ITGAE: variants seen among roughly 807,000 people sequenced by gnomAD.
ITGAE encodes integrin alpha-E.
In ITGAE, 99 loss-of-function variants were observed where a neutral mutation model predicts 136.5. The observed-to-expected ratio is 0.73, with a 90% CI of 0.62 to 0.86. The LOEUF (loss-of-function observed/expected upper bound fraction) is 0.86, where lower values mean the gene tolerates loss of function less well. Among genes scored for constraint, ITGAE ranks in the 40% least tolerant of loss-of-function variants. The probability of loss-of-function intolerance (pLI) is 0.00; values close to 1 mark genes in which losing one functional copy is unlikely to be tolerated. For missense variants in ITGAE, 1,447 were observed against 1,515.3 expected (o/e 0.95, Z 0.75); for synonymous variants, 613 against 591.8 (o/e 1.04, Z -0.52).
In ITGAE at chr17:3,723,350, T is replaced by C; in HGVS notation, c.3175A>G (p.Ile1059Val). The change falls in exon 28 of 31, where the codon ATC (isoleucine) becomes GTC (valine). Residue 1059 changes from isoleucine to valine, a missense_variant. Around this residue, in one of 3 missense-constraint regions of ITGAE, gnomAD observed 1,031 missense variants for 1,011.4 expected, o/e 1.02. Coordinates refer to ENST00000263087, the MANE Select transcript of ITGAE (RefSeq NM_002208.5). ...GTGACATTTTCTTTATCTGAAGCGA[T>C]GACACAGCTCACTGAATGCCATTCT... ...VEEWHSVSCV[I>V]ASDKENVTVA... 1.9e-6 allele frequency: 3 copies of C among 1,614,010 alleles called. No homozygotes were observed. The highest frequency in any genetic ancestry group is 2.5e-6 in the Non-Finnish European group (3 of 1,179,836).
At chr17:3,761,798 G>T in intron 4 of ITGAE, 117 bp downstream of exon 4, 1 of 920,590 alleles carries the variant, frequency 1.1e-6, no homozygotes, top group Non-Finnish European at 1.7e-6. Flanking sequence ...CCAGGGAGAC[G>T]CTAGACTCAG....
chr17:3,754,005 C>T (rs1333237212), intron 12 of ITGAE, 80 bp from the exon 13 acceptor site: 1 of 1,539,696 alleles, frequency 6.5e-7, no homozygotes, highest in Non-Finnish European at 8.8e-7. Context: ...CCTTCCCAGT[C>T]AGGCCTTCAA....
rs543321113 is a variant in ITGAE at position 3,771,231 on chromosome 17, C to T, written c.155+6309G>A. On this transcript the variant is annotated intron_variant, in intron 2 of 30. Coordinates refer to ENST00000263087, the MANE Select transcript of ITGAE (RefSeq NM_002208.5). ...TAACCCTGGCAACCAGAAGAAGTAC[C>T]GCCTGGGGCAACACGATGGATGAAA... Among the ~76,000 whole-genome samples the T allele has an allele frequency of 8.5e-5, 13 of 152,278 alleles. 1 individual carries two copies. In the South Asian group the frequency reaches 1.5e-3, roughly 17 times the overall value.
At chr17:3,761,784 G>T in intron 4 of ITGAE, 131 bp downstream of exon 4, 2 of 807,240 alleles carry the variant, frequency 2.5e-6, no homozygotes, top group Non-Finnish European at 4.0e-6. Flanking sequence ...CCCTGGGGTT[G>T]GCACCAGGGA....
intron 26 of ITGAE, among the ~76,000 whole-genome samples, chr17:3,727,268 G>A (rs1312887238): frequency 1.3e-5 from 2 of 152,272 alleles, no homozygotes; most frequent in Non-Finnish European, 1.5e-5. Flanking sequence ...CAGGGGAGAA[G>A]AAGGGAAGCT....
At position 3,753,278 on chromosome 17, in the gene ITGAE, A is replaced by C. The variant is rs747299527; in HGVS notation, c.1668+12T>G. ...AGCCTCAGCAAGCTCATGAAGATGG[A>C]GACTCTCCCACCTGCTCGCTGAGAC... On this transcript the variant is annotated intron_variant, in intron 14 of 30. Transcript: ENST00000263087. 6.2e-7 allele frequency: 1 copy of C among 1,611,542 alleles called. No individual in the cohort carries two copies. Among genetic ancestry groups the C allele is most frequent in the South Asian group, 1.1e-5 (1 of 90,836 alleles).
At chr17:3,780,270 A>G (rs1265916673) in intron 1 of ITGAE, among the ~76,000 whole-genome samples, 1 of 150,476 alleles carries the variant, frequency 6.6e-6, no homozygotes, top group African/African-American at 2.5e-5. Flanking sequence ...TCCCAGGTTC[A>G]CACCATTCTC....
chr17:3,743,535 G>C lies in ITGAE; in HGVS notation c.2402C>G (p.Pro801Arg). The C allele has an allele frequency of 6.2e-7, 1 of 1,611,822 alleles. No individual in the cohort carries two copies. Among genetic ancestry groups the C allele is most frequent in the Non-Finnish European group, 8.5e-7 (1 of 1,179,348 alleles). The change falls in exon 19 of 31, where the codon CCC (proline) becomes CGC (arginine). Residue 801 changes from proline (P) to arginine (R), a missense_variant. This residue lies in a region of ITGAE where 1,031 missense variants were observed against 1,011.4 expected (regional missense o/e 1.02). Transcript: ENST00000263087. ...LQTPEGQTDH[P>R]QPILDRYTEP... ...AGTGTAGCGGTCCAGGATGGGCTGG[G>C]GATGGTCCGTCTGTCCCTCAGGGGT...
rs1247096159 is a variant in ITGAE, at chr17:3,796,917, C to T, written c.34+4194G>A. Among the ~76,000 whole-genome samples, 7 of 152,036 alleles carry T rather than the reference C, an allele frequency of 4.6e-5. No individual in the cohort carries two copies. The East Asian group carries it at 9.6e-4, about 21-fold the overall frequency. On this transcript the variant is annotated intron_variant, in intron 1 of 30. Transcript: ENST00000263087. ...GAAGTGGGGCTAGATGCAGGGGTCCCGACACCCCGCCCAGAACACCCAGCG... is the reference window on the plus strand; with the variant it reads ...GAAGTGGGGCTAGATGCAGGGGTCCTGACACCCCGCCCAGAACACCCAGCG...
At chr17:3,775,461 C>T (rs574136238) in intron 2 of ITGAE, among the ~76,000 whole-genome samples, 1 of 151,822 alleles carries the variant, frequency 6.6e-6, no homozygotes, top group African/African-American at 2.4e-5. Context: ...ACATTTTTTG[C>T]TTGCTTTTCT....
At chr17:3,756,247 T>TAGACAG in intron 10 of ITGAE, among the ~76,000 whole-genome samples, 1 of 138,834 alleles carries the variant, frequency 7.2e-6, no homozygotes, top group African/African-American at 2.8e-5. Context: ...TTTTTTTTTT[T>TAGACAG]TTTTGAGACA....
chr17:3,756,882 A>T, intron 10 of ITGAE, 102 bp downstream of exon 10: 8 of 1,255,354 alleles, frequency 6.4e-6, no homozygotes, highest in South Asian at 1.4e-5. Context: ...GTTCAGGGAG[A>T]TGATGGGAGT....
chr17:3,723,843 G>A (rs936108739), intron 26 of ITGAE, 99 bp from the exon 27 acceptor site: 1 of 1,538,968 alleles, frequency 6.5e-7, no homozygotes, highest in Non-Finnish European at 8.8e-7. Context: ...CATGCGCAGG[G>A]CCGGGAGCTA....
chr17:3,771,445 C>G (rs1180928109), intron 2 of ITGAE, among the ~76,000 whole-genome samples: 1 of 151,930 alleles, frequency 6.6e-6, no homozygotes, highest in Non-Finnish European at 1.5e-5. Flanking sequence ...CGCCGCAGCT[C>G]ACGTGCCCTT....
intron 1 of ITGAE, among the ~76,000 whole-genome samples, chr17:3,796,148 CGTGTGTGT>C (rs71155807): frequency 7.7e-6 from 1 of 130,296 alleles, no homozygotes; most frequent in African/African-American, 2.9e-5. Context: ...TGTGTGCATC[CGTGTGTGT>C]GTGTGTGTGC....
intron 1 of ITGAE, among the ~76,000 whole-genome samples, chr17:3,779,537 C>T (rs368028642): frequency 1.8e-4 from 28 of 152,036 alleles, no homozygotes; most frequent in East Asian, 1.5e-3. Context: ...CAATGTTGAC[C>T]GAGCTGGTTT....
At chr17:3,753,745 A>C in intron 13 of ITGAE, 38 bp downstream of exon 13, 1 of 1,610,478 alleles carries the variant, frequency 6.2e-7, no homozygotes, top group South Asian at 1.1e-5. Context: ...CAGATTCCCC[A>C]TCGGTCATAA....
At chr17:3,723,615 C>G (rs2051107427) in intron 27 of ITGAE, 73 bp downstream of exon 27, 2 of 1,426,390 alleles carry the variant, frequency 1.4e-6, no homozygotes, top group South Asian at 2.7e-5. Flanking sequence ...CCAGGAAAAA[C>G]AGTCTCCTGG....
In ITGAE at chr17:3,777,631, C is replaced by G; in HGVS notation, c.64G>C (p.Asp22His). 2 of 1,613,782 alleles carry G rather than the reference C, an allele frequency of 1.2e-6. No homozygotes were observed. Among genetic ancestry groups the G allele is most frequent in the African/African-American group, 2.7e-5 (2 of 75,034 alleles). ...SLALLAAFNV[D>H]VARPWLTPKG... is the part of the protein sequence containing the mutation. ...GGCGTGAGCCAGGGCCGGGCCACAT[C>G]CACATTGAAAGCGGCCAGCAGGGCC... Residue 22 changes from aspartate (D) to histidine (H), a missense_variant, in exon 2 of 31, where the codon GAT becomes CAT. By Grantham distance (81) the Asp-to-His change is moderately conservative. This residue lies in a region of ITGAE where 106 missense variants were observed against 87.8 expected (regional missense o/e 1.21). Coordinates refer to ENST00000263087, the MANE Select transcript of ITGAE (RefSeq NM_002208.5).
Sources: allele counts gnomAD v4.1 joint callset (sites outside exome capture counted in the v4.1 genomes callset), GRCh38; gene constraint gnomAD v4.1.1; regional missense constraint gnomAD v4.1.1; transcripts MANE v1.5; gene names NCBI Gene and HGNC (gene_info 2026-07-23, HGNC 2026-07-21).